SLC24A2: variants seen among roughly 807,000 people sequenced by gnomAD.
The protein encoded by SLC24A2 is sodium/potassium/calcium exchanger 2.
Under a neutral mutation model 62.0 loss-of-function variants are expected in SLC24A2, and 36 were observed. The ratio of observed to expected loss-of-function variants is 0.58; its 90% CI spans 0.44 to 0.77. The LOEUF (loss-of-function observed/expected upper bound fraction) is 0.77. Among genes scored for constraint, SLC24A2 ranks in the 30% least tolerant of loss-of-function variants. The pLI, the probability that SLC24A2 is intolerant of heterozygous loss-of-function variation, is 0.00. For synonymous variants in SLC24A2, 358 were observed against 294.0 expected (o/e 1.22, Z -2.23); for missense variants, 846 against 817.9 (o/e 1.03, Z -0.42).
chr9:20,050,392 G>A, the SLC24A2 span, among the ~76,000 whole-genome samples: 1 of 152,048 alleles, frequency 6.6e-6, no homozygotes, highest in African/African-American at 2.4e-5. Context: ...CTCTAGCCTG[G>A]ATGACAGAGG....
chr9:20,094,797 T>C, the SLC24A2 span, among the ~76,000 whole-genome samples: 1 of 152,146 alleles, frequency 6.6e-6, no homozygotes, highest in Non-Finnish European at 1.5e-5. Flanking sequence ...AAATGACCAG[T>C]GTATGATGTT....
At chr9:20,227,055 G>A in the SLC24A2 span, among the ~76,000 whole-genome samples, 2 of 152,102 alleles carry the variant, frequency 1.3e-5, no homozygotes, top group South Asian at 4.1e-4. Context: ...CCAAACACTG[G>A]TGGTAACTTT....
the SLC24A2 span, among the ~76,000 whole-genome samples, chr9:20,191,546 T>C: frequency 6.6e-6 from 1 of 151,910 alleles, no homozygotes; most frequent in Non-Finnish European, 1.5e-5. Context: ...TAAGAGAGTT[T>C]ATTCCCTATG....
chr9:20,200,376 G>A, the SLC24A2 span, among the ~76,000 whole-genome samples: 1 of 152,304 alleles, frequency 6.6e-6, no homozygotes, highest in East Asian at 1.9e-4. Flanking sequence ...CATGGACCAA[G>A]AAACCATTCC....
intron 8 of SLC24A2, among the ~76,000 whole-genome samples, chr9:19,529,817 C>CT (rs1833617297): frequency 6.9e-6 from 1 of 145,498 alleles, no homozygotes; most frequent in Non-Finnish European, 1.5e-5. Context: ...GTGGCATGAT[C>CT]TTGGCTCACT....
chr9:19,955,470 C>T, the SLC24A2 span, among the ~76,000 whole-genome samples: 3 of 150,142 alleles, frequency 2.0e-5, no homozygotes, highest in African/African-American at 7.4e-5. Context: ...AAAGAAGACA[C>T]AGATAAGTTG....
At chr9:20,055,552 A>C in the SLC24A2 span, among the ~76,000 whole-genome samples, 6 of 152,092 alleles carry the variant, frequency 3.9e-5, no homozygotes, top group African/African-American at 1.4e-4. Flanking sequence ...AGTGATTTGC[A>C]CATGGTCACA....
Position 19,695,493 on chromosome 9 carries a change from TAAG to T in SLC24A2, c.931-73197_931-73195del, listed in dbSNP as rs909451557. ...AGAAAACAGAAATCATTAAAAATCT[TAAG>T]AAGAAAAACTGTAATTGATACAACC... On this transcript the variant is annotated intron_variant, in intron 2 of 10. Coordinates refer to ENST00000341998, the MANE Select transcript of SLC24A2 (RefSeq NM_020344.4). Among the ~76,000 whole-genome samples, 9 of 152,140 alleles carry T rather than the reference TAAG, an allele frequency of 5.9e-5. No individual in the cohort carries two copies. In the East Asian group the frequency reaches 7.7e-4, roughly 13 times the overall value.
At chr9:19,863,426 C>A in the SLC24A2 span, among the ~76,000 whole-genome samples, 3 of 151,786 alleles carry the variant, frequency 2.0e-5, no homozygotes, top group East Asian at 5.8e-4. Flanking sequence ...TATCCAAGAA[C>A]TGCAGGATGG....
the SLC24A2 span, among the ~76,000 whole-genome samples, chr9:20,196,617 T>C: frequency 1.3e-5 from 2 of 152,206 alleles, no homozygotes; most frequent in Non-Finnish European, 2.9e-5. Context: ...CAGTTTGCCA[T>C]TTTCTTATGT....
the SLC24A2 span, among the ~76,000 whole-genome samples, chr9:20,055,782 G>A: frequency 6.6e-6 from 1 of 152,056 alleles, no homozygotes; most frequent in Non-Finnish European, 1.5e-5. Flanking sequence ...CAGCTACTTA[G>A]GGAGGCTGAG....
At chr9:19,995,079 C>CTTT in the SLC24A2 span, among the ~76,000 whole-genome samples, 1 of 145,432 alleles carries the variant, frequency 6.9e-6, no homozygotes, top group Non-Finnish European at 1.5e-5. Context: ...TATCTCAGGC[C>CTTT]TTTTTTTTTT....
chr9:20,255,159 C>T, the SLC24A2 span, among the ~76,000 whole-genome samples: 1 of 152,178 alleles, frequency 6.6e-6, no homozygotes, highest in African/African-American at 2.4e-5. Flanking sequence ...TTTAGCGTGT[C>T]TAATATCTAC....
At chr9:20,240,909 G>A in the SLC24A2 span, among the ~76,000 whole-genome samples, 1 of 152,118 alleles carries the variant, frequency 6.6e-6, no homozygotes, top group Non-Finnish European at 1.5e-5. Context: ...CCCCTGAAAG[G>A]CTACTGCATC....
the SLC24A2 span, among the ~76,000 whole-genome samples, chr9:19,900,818 T>C: frequency 6.6e-6 from 1 of 152,294 alleles, no homozygotes; most frequent in African/African-American, 2.4e-5. Context: ...CCAGTTCCAC[T>C]GACAATTTTG....
intron 2 of SLC24A2, among the ~76,000 whole-genome samples, chr9:19,754,304 C>T (rs907971665): frequency 6.6e-6 from 1 of 152,206 alleles, no homozygotes; most frequent in African/African-American, 2.4e-5. Flanking sequence ...CGTCTATCCT[C>T]CTTCCCCAAG....
intron 2 of SLC24A2, among the ~76,000 whole-genome samples, chr9:19,694,115 T>A (rs1820118969): frequency 6.6e-6 from 1 of 151,648 alleles, no homozygotes; most frequent in Admixed American, 6.6e-5. Flanking sequence ...AAATCCCAAA[T>A]CTTACACTGT....
the SLC24A2 span, among the ~76,000 whole-genome samples, chr9:19,987,348 T>C: frequency 4.6e-5 from 7 of 152,328 alleles, no homozygotes; most frequent in East Asian, 5.8e-4. Flanking sequence ...AATGAAAATA[T>C]TGATAAAACA....
the SLC24A2 span, among the ~76,000 whole-genome samples, chr9:20,081,961 T>C: frequency 4.6e-5 from 7 of 152,184 alleles, 1 homozygote; most frequent in African/African-American, 1.7e-4. Flanking sequence ...TATGTACTAC[T>C]GGGTTAATTC....
Sources: allele counts gnomAD v4.1 joint callset (sites outside exome capture counted in the v4.1 genomes callset), GRCh38; gene constraint gnomAD v4.1.1; transcripts MANE v1.5; gene names NCBI Gene and HGNC (gene_info 2026-07-23, HGNC 2026-07-21).